The following FAM78B variants were observed in gnomAD, a reference collection of about 807,000 sequenced individuals.
The protein encoded by FAM78B is family with sequence similarity 78 member B, also known as protein FAM78B.
A neutral mutation model predicts 20.0 loss-of-function variants in FAM78B; 10 were observed. That is an observed-to-expected ratio of 0.50 (90% CI 0.31 to 0.85). FAM78B has a LOEUF of 0.85. Ranked by LOEUF, FAM78B falls within the 40% of genes least tolerant of loss-of-function variation. FAM78B has a pLI of 0.05. For synonymous variants in FAM78B, 135 were observed against 132.8 expected, an observed-to-expected ratio of 1.02 and a Z score of -0.12; for missense variants, 283 against 345.0, an observed-to-expected ratio of 0.82 and a Z score of 1.42.
chr1:166,114,326 A>T (rs1654178475), intron 1 of FAM78B, among the ~76,000 whole-genome samples: 1 of 152,224 alleles, frequency 6.6e-6, no homozygotes, highest in African/African-American at 2.4e-5. Flanking sequence ...ATTAAATGAC[A>T]AGAGCTTGTG....
At chr1:166,060,652 C>T in exon 3 of FAM78B, 1 of 1,288,344 alleles carries the variant, frequency 7.8e-7, no homozygotes, top group Non-Finnish European at 1.0e-6. Context: ...TTTCCTTGTC[C>T]TACTAGGAGA....
chr1:166,143,640 T>C (rs1655356500), intron 1 of FAM78B, among the ~76,000 whole-genome samples: 1 of 151,958 alleles, frequency 6.6e-6, no homozygotes, highest in African/African-American at 2.4e-5. Flanking sequence ...AGGGGAAGCA[T>C]GTGGAACCAG....
intron 1 of FAM78B, among the ~76,000 whole-genome samples, chr1:166,101,161 G>A (rs1653498425): frequency 6.6e-6 from 1 of 152,162 alleles, no homozygotes; most frequent in African/African-American, 2.4e-5. Flanking sequence ...CTAACAAACA[G>A]AAAGGACATC....
chr1:166,105,983 T>A (rs1224625456), intron 1 of FAM78B, among the ~76,000 whole-genome samples: 2 of 151,810 alleles, frequency 1.3e-5, no homozygotes, highest in African/African-American at 4.8e-5. Flanking sequence ...TAGACTGGAT[T>A]AACAAAATGT....
At chr1:166,056,781 C>T (rs1199472766), downstream of FAM78B, among the ~76,000 whole-genome samples, 4 of 152,140 alleles carry the variant, frequency 2.6e-5, no homozygotes, top group South Asian at 8.3e-4. Context: ...AGAATGTTCT[C>T]TTTCTCCCAA....
intron 1 of FAM78B, among the ~76,000 whole-genome samples, chr1:166,157,679 T>C (rs1246890932): frequency 6.6e-6 from 1 of 152,172 alleles, no homozygotes; most frequent in Admixed American, 6.5e-5. Flanking sequence ...TCTCCTTCTC[T>C]TCCTAATCAT....
intron 1 of FAM78B, among the ~76,000 whole-genome samples, chr1:166,125,095 T>C (rs760386262): frequency 8.5e-5 from 13 of 152,230 alleles, no homozygotes; most frequent in Non-Finnish European, 1.5e-4. Flanking sequence ...TACTTTTCCA[T>C]GCATAACTTG....
At chr1:166,058,042 A>G (rs1465411565) in exon 3 of FAM78B, 1 of 151,966 alleles carries the variant, frequency 6.6e-6, no homozygotes, top group African/African-American at 2.4e-5. Context: ...AATGTAGGCA[A>G]GTGTGCTTGC....
chr1:166,109,818 A>ATATG (rs1447260320), intron 1 of FAM78B, among the ~76,000 whole-genome samples: 16 of 19,520 alleles, frequency 8.2e-4, no homozygotes, highest in African/African-American at 2.5e-3. Flanking sequence ...ATATATGTAT[A>ATATG]TATATATATA....
rs534520798 is a variant in FAM78B at position 166,152,226 on chromosome 1, G to A, written c.263+13760C>T. ...CCATCCAGCTGGAGATGTTACCCCA[G>A]GGAGCTTTGCAGCAGAGAAGCCCGT... On this transcript the variant is annotated intron_variant, in intron 1 of 1. Coordinates refer to ENST00000354422, the MANE Select transcript of FAM78B (RefSeq NM_001017961.5). 2.0e-5 allele frequency among the ~76,000 whole-genome samples: 3 copies of A among 152,290 alleles called. No individual in the cohort carries two copies. In the South Asian group the frequency reaches 6.2e-4, roughly 32 times the overall value.
intron 1 of FAM78B, chr1:166,087,472 C>T (rs960019395): frequency 1.3e-5 from 2 of 152,204 alleles, no homozygotes; most frequent in African/African-American, 4.8e-5. Context: ...CCTCAACAGG[C>T]CAAATTTAAG....
intron 1 of FAM78B, among the ~76,000 whole-genome samples, chr1:166,081,416 G>A (rs1242369286): frequency 6.6e-6 from 1 of 152,146 alleles, no homozygotes; most frequent in Non-Finnish European, 1.5e-5. Context: ...GGGGTCGTTG[G>A]CCAGTTTTCT....
intron 1 of FAM78B, among the ~76,000 whole-genome samples, chr1:166,087,821 T>C (rs1355211478): frequency 6.6e-6 from 1 of 152,098 alleles, no homozygotes; most frequent in Non-Finnish European, 1.5e-5. Flanking sequence ...AGACAGTATG[T>C]GGGCAGGGGG....
At chr1:166,056,534 G>A (rs369285101), downstream of FAM78B, among the ~76,000 whole-genome samples, 17 of 152,220 alleles carry the variant, frequency 1.1e-4, no homozygotes, top group East Asian at 2.5e-3. Flanking sequence ...CTCTTGCCTG[G>A]ATGAATCTGA....
At chr1:166,056,681 G>T (rs1651356627), downstream of FAM78B, among the ~76,000 whole-genome samples, 2 of 152,178 alleles carry the variant, frequency 1.3e-5, no homozygotes. Flanking sequence ...AAATAATTTA[G>T]CAAAAGCAAA....
intron 1 of FAM78B, among the ~76,000 whole-genome samples, chr1:166,107,869 A>G (rs1458850850): frequency 6.6e-6 from 1 of 152,252 alleles, no homozygotes; most frequent in Non-Finnish European, 1.5e-5. Flanking sequence ...GATACACCAC[A>G]TAAACAGAAT....
At chr1:166,065,624 A>C (rs906849035), downstream of FAM78B, among the ~76,000 whole-genome samples, 1 of 152,126 alleles carries the variant, frequency 6.6e-6, no homozygotes, top group Non-Finnish European at 1.5e-5. Context: ...TGCACCGCTG[A>C]CCTGGGTGGG....
intron 1 of FAM78B, among the ~76,000 whole-genome samples, chr1:166,095,029 G>T (rs1653224063): frequency 6.6e-6 from 1 of 152,126 alleles, no homozygotes; most frequent in Admixed American, 6.5e-5. Context: ...GAGCTGACAG[G>T]TCTGATGCTC....
At chr1:166,082,986 T>C (rs965142540) in intron 1 of FAM78B, among the ~76,000 whole-genome samples, 15 of 152,050 alleles carry the variant, frequency 9.9e-5, no homozygotes, top group African/African-American at 3.6e-4. Context: ...TTGAGGGGCA[T>C]GGGGGTGCAA....
Sources: gnomAD v4.1 joint callset for allele counts (sites outside exome capture counted in the v4.1 genomes callset) on GRCh38, gnomAD v4.1.1 for gene constraint, MANE v1.5 for transcripts, NCBI Gene and HGNC (gene_info 2026-07-23, HGNC 2026-07-21) for gene names.